ALPK2: variants seen among roughly 807,000 people sequenced by gnomAD.
ALPK2 encodes the protein alpha-protein kinase 2.
In ALPK2, 127 loss-of-function variants were observed where a neutral mutation model predicts 163.1. The ratio of observed to expected loss-of-function variants is 0.78; its 90% CI spans 0.67 to 0.90. ALPK2 has a LOEUF of 0.90. Ranked by LOEUF, ALPK2 falls within the 40% of genes least tolerant of loss-of-function variation. ALPK2 has a pLI of 0.00. For synonymous variants in ALPK2, 953 were observed against 959.1 expected, an observed-to-expected ratio of 0.99 and a Z score of 0.12; for missense variants, 2,360 against 2,589.6, an observed-to-expected ratio of 0.91 and a Z score of 1.92.
intron 12 of ALPK2, among the ~76,000 whole-genome samples, chr18:58,488,444 T>A (rs2051351617): frequency 7.3e-6 from 1 of 136,996 alleles, no homozygotes; most frequent in Admixed American, 7.9e-5. Context: ...GCTTTCTCTC[T>A]GGGATCCGCT....
intron 1 of ALPK2, 32 bp from the exon 2 acceptor site, chr18:58,611,849 T>A (rs555760902): frequency 7.5e-7 from 1 of 1,338,802 alleles, no homozygotes; most frequent in Non-Finnish European, 1.0e-6. Context: ...GACATCACCA[T>A]TTGTTCTGGG....
intron 3 of ALPK2, among the ~76,000 whole-genome samples, chr18:58,597,515 C>A (rs1363632318): frequency 1.3e-5 from 2 of 152,196 alleles, no homozygotes; most frequent in African/African-American, 2.4e-5. Context: ...GTTAAGCAAC[C>A]TGCCCAAGTA....
intron 10 of ALPK2, among the ~76,000 whole-genome samples, chr18:58,509,014 C>A (rs2051475685): frequency 6.7e-6 from 1 of 149,974 alleles, no homozygotes; most frequent in Non-Finnish European, 1.5e-5. Flanking sequence ...AGATATATCT[C>A]CTAATGCTAT....
chr18:58,584,014 G>T lies in ALPK2; in HGVS notation c.228-3466C>A, dbSNP rs540327283. Among the ~76,000 whole-genome samples, 15 of 152,158 alleles carry T rather than the reference G, an allele frequency of 9.9e-5. No individual in the cohort carries two copies. In the South Asian group the frequency reaches 2.7e-3, roughly 27 times the overall value. On this transcript the variant is annotated intron_variant, in intron 3 of 12. Coordinates refer to ENST00000361673, the MANE Select transcript of ALPK2 (RefSeq NM_052947.4). ...AGATGATTCTCAAGAATCAAGGAGA[G>T]AAAACAAAAAGACTTTTAGAAAAAC...
chr18:58,526,200 T>G (rs1003466671), intron 6 of ALPK2, among the ~76,000 whole-genome samples: 15 of 152,176 alleles, frequency 9.9e-5, no homozygotes, highest in African/African-American at 2.4e-5. Flanking sequence ...TGATTAGCTG[T>G]GCAGACAAAT....
At chr18:58,521,782 C>T (rs1021547729) in intron 8 of ALPK2, among the ~76,000 whole-genome samples, 4 of 151,776 alleles carry the variant, frequency 2.6e-5, no homozygotes. Context: ...TGCGTGCCAC[C>T]ATGCCGCGCT....
intron 10 of ALPK2, among the ~76,000 whole-genome samples, chr18:58,513,394 A>G (rs1021165037): frequency 3.9e-5 from 6 of 152,120 alleles, no homozygotes; most frequent in African/African-American, 1.4e-4. Flanking sequence ...TGTGGTCACA[A>G]ACTGTCCCCT....
intron 4 of ALPK2, among the ~76,000 whole-genome samples, chr18:58,550,650 C>T (rs2051752774): frequency 1.3e-5 from 2 of 151,938 alleles, no homozygotes; most frequent in African/African-American, 4.8e-5. Context: ...ACAACCCCAT[C>T]CCCGTCTCCA....
Position 58,536,950 on chromosome 18 carries a change from C to T in ALPK2, c.3237G>A (p.Val1079=). Residue 1079 remains valine (V), a synonymous_variant, in exon 5 of 13, where the codon GTG becomes GTA. Coordinates refer to ENST00000361673, the MANE Select transcript of ALPK2 (RefSeq NM_052947.4). ...TKELLCRAPS[V]PGVPHHVLQL... is the part of the protein sequence containing the mutation. ...GCAGGACATGGTGTGGGACTCCTGG[C>T]ACACTGGGTGCCCTGCAAAGTAGCT... The T allele has an allele frequency of 1.9e-6, 3 of 1,614,190 alleles. No individual in the cohort carries two copies. Among genetic ancestry groups the T allele is most frequent in the Non-Finnish European group, 8.5e-7 (1 of 1,180,016 alleles).
intron 4 of ALPK2, among the ~76,000 whole-genome samples, chr18:58,563,391 G>A (rs955216931): frequency 6.6e-6 from 1 of 152,194 alleles, no homozygotes; most frequent in Admixed American, 6.5e-5. Flanking sequence ...TAGAAAGGGG[G>A]AACAGAGACA....
At chr18:58,575,451 G>A (rs1350101975) in intron 4 of ALPK2, among the ~76,000 whole-genome samples, 1 of 152,176 alleles carries the variant, frequency 6.6e-6, no homozygotes, top group African/African-American at 2.4e-5. Context: ...CAGAGCCCAA[G>A]AACACATTTC....
At chr18:58,557,783 A>T (rs1003280989) in intron 4 of ALPK2, among the ~76,000 whole-genome samples, 3 of 151,890 alleles carry the variant, frequency 2.0e-5, no homozygotes, top group Non-Finnish European at 4.4e-5. Context: ...ATTGAGGCCC[A>T]GGGCAATAGC....
intron 4 of ALPK2, chr18:58,557,201 T>A (rs2051797572): frequency 6.6e-6 from 1 of 152,200 alleles, no homozygotes; most frequent in Non-Finnish European, 1.5e-5. Context: ...CTGTGAGGGT[T>A]GAGGGCCGAG....
chr18:58,525,273 G>A (rs1602200912), intron 6 of ALPK2, among the ~76,000 whole-genome samples: 1 of 152,128 alleles, frequency 6.6e-6, no homozygotes, highest in East Asian at 1.9e-4. Flanking sequence ...CTTCATTCCT[G>A]GGGTCTCTGA....
chr18:58,593,308 G>A (rs2052023865), intron 3 of ALPK2, among the ~76,000 whole-genome samples: 1 of 152,258 alleles, frequency 6.6e-6, no homozygotes, highest in Admixed American at 6.5e-5. Flanking sequence ...GCTCACGCCT[G>A]TAGTCCCAGC....
intron 12 of ALPK2, among the ~76,000 whole-genome samples, chr18:58,489,772 TCA>T (rs1256518168): frequency 6.6e-6 from 1 of 152,036 alleles, no homozygotes; most frequent in East Asian, 1.9e-4. Context: ...ATATGAAGTC[TCA>T]CACTAAAGAA....
intron 4 of ALPK2, 53 bp downstream of exon 4, chr18:58,578,761 C>CACACAT: frequency 6.5e-7 from 1 of 1,540,236 alleles, no homozygotes; most frequent in Non-Finnish European, 8.8e-7. Context: ...CACACACACA[C>CACACAT]ACACACACAC....
At chr18:58,595,502 A>G (rs932991669) in intron 3 of ALPK2, among the ~76,000 whole-genome samples, 2 of 152,192 alleles carry the variant, frequency 1.3e-5, no homozygotes, top group Non-Finnish European at 2.9e-5. Context: ...AGTGATTAAC[A>G]TAATGGACTC....
In ALPK2 at chr18:58,536,865, C is replaced by G. The variant is rs1469023669; in HGVS notation, c.3322G>C (p.Gly1108Arg). The G allele has an allele frequency of 6.2e-7, 1 of 1,614,140 alleles. No homozygotes were observed. Among genetic ancestry groups the G allele is most frequent in the South Asian group, 1.1e-5 (1 of 91,078 alleles). ...NSPLQVDNLS[G>R]DKSQTVDRAD... The stretch of plus-strand genomic sequence containing the variant: ...CTGTCCACAGTCTGGCTCTTATCTC[C>G]AGACAGGTTATCAACCTGAAGAGGG... Residue 1108 changes from glycine (G) to arginine (R), a missense_variant, in exon 5 of 13, where the codon GGA (glycine) becomes CGA (arginine). By Grantham distance (125) the Gly-to-Arg change is moderately radical (BLOSUM62 -2). Coordinates refer to ENST00000361673, the MANE Select transcript of ALPK2 (RefSeq NM_052947.4).
Sources: gnomAD v4.1 joint callset for allele counts (sites outside exome capture counted in the v4.1 genomes callset) on GRCh38, gnomAD v4.1.1 for gene constraint, MANE v1.5 for transcripts, NCBI Gene and HGNC (gene_info 2026-07-23, HGNC 2026-07-21) for gene names.